SDK1: variants seen among roughly 807,000 people sequenced by gnomAD.
SDK1 encodes the protein sidekick cell adhesion molecule 1.
Under a neutral mutation model 245.5 loss-of-function variants are expected in SDK1, and 157 were observed. The ratio of observed to expected loss-of-function variants is 0.64; its 90% CI spans 0.56 to 0.73. The LOEUF is 0.73. SDK1 is among the 30% of genes least tolerant of loss of function. The pLI is 0.00. For synonymous variants in SDK1, 1,647 were observed against 1,278.5 expected (o/e 1.29, Z -6.15); for missense variants, 3,583 against 3,002.3 (o/e 1.19, Z -4.52).
chr7:3,575,568 T>C (rs887416192), intron 1 of SDK1, among the ~76,000 whole-genome samples: 10 of 152,002 alleles, frequency 6.6e-5, no homozygotes, highest in Non-Finnish European at 1.5e-4. Context: ...TAGTGCTTTT[T>C]GCTGGGTTTT....
chr7:3,325,551 G>A (rs1047418359), intron 1 of SDK1, among the ~76,000 whole-genome samples: 7 of 151,826 alleles, frequency 4.6e-5, no homozygotes, highest in African/African-American at 1.5e-4. Flanking sequence ...TAGTTCCCAG[G>A]GGCCAAAATG....
chr7:3,496,352 G>A (rs531537652), intron 1 of SDK1, among the ~76,000 whole-genome samples: 1 of 152,096 alleles, frequency 6.6e-6, no homozygotes, highest in South Asian at 2.1e-4. Flanking sequence ...GAGTCTCACT[G>A]TGTATTATTT....
At chr7:3,378,341 TC>T (rs1403302446) in intron 1 of SDK1, among the ~76,000 whole-genome samples, 2 of 152,336 alleles carry the variant, frequency 1.3e-5, no homozygotes, top group East Asian at 1.9e-4. Flanking sequence ...AAAACAAAAG[TC>T]CTTGTTAGTT....
At chr7:3,646,951 G>T (rs1782858345) in intron 4 of SDK1, among the ~76,000 whole-genome samples, 1 of 152,232 alleles carries the variant, frequency 6.6e-6, no homozygotes, top group South Asian at 2.1e-4. Flanking sequence ...GGACTTGGGG[G>T]AAGGAGGGAG....
intron 4 of SDK1, among the ~76,000 whole-genome samples, chr7:3,789,017 G>C (rs1465917885): frequency 1.3e-5 from 2 of 152,228 alleles, no homozygotes; most frequent in Non-Finnish European, 2.9e-5. Context: ...CGGCTGACAA[G>C]CTCCTTTCTG....
At chr7:3,927,422 CACA>C (rs1779810520) in intron 5 of SDK1, among the ~76,000 whole-genome samples, 1 of 152,106 alleles carries the variant, frequency 6.6e-6, no homozygotes. Flanking sequence ...ATTTTGTTCT[CACA>C]ACAACTCTGG....
intron 4 of SDK1, among the ~76,000 whole-genome samples, chr7:3,667,900 T>C (rs1052130789): frequency 2.6e-5 from 4 of 152,250 alleles, no homozygotes; most frequent in African/African-American, 4.8e-5. Context: ...ATAAAGATGC[T>C]AGAAACATTC....
chr7:3,726,393 G>A (rs546213551), intron 4 of SDK1, among the ~76,000 whole-genome samples: 1 of 152,318 alleles, frequency 6.6e-6, no homozygotes, highest in Admixed American at 6.5e-5. Flanking sequence ...TCACTCGACT[G>A]TAAGTATTTC....
chr7:3,418,077 G>A (rs1181758525), intron 1 of SDK1, among the ~76,000 whole-genome samples: 1 of 144,280 alleles, frequency 6.9e-6, no homozygotes. Flanking sequence ...AAAAATTCCT[G>A]ATCACTTGAG....
At chr7:3,584,005 T>G (rs142853253) in intron 1 of SDK1, among the ~76,000 whole-genome samples, 2 of 152,248 alleles carry the variant, frequency 1.3e-5, no homozygotes, top group East Asian at 3.9e-4. Flanking sequence ...GTCCACACCA[T>G]TCTGGGAGGG....
intron 1 of SDK1, among the ~76,000 whole-genome samples, chr7:3,604,396 T>A (rs1781351088): frequency 6.6e-6 from 1 of 152,108 alleles, no homozygotes; most frequent in Non-Finnish European, 1.5e-5. Flanking sequence ...TCACTTTCCT[T>A]CTTTTGAGGT....
At position 3,369,109 on chromosome 7, in the gene SDK1, A is replaced by G. The variant is rs550036737; in HGVS notation, c.298+67225A>G. ...GGCCAGGCTGGTGTGCAATGGTGTGATATTGGCTCACTGCAACCTCTGCCT... is the reference window on the plus strand; with the variant it reads ...GGCCAGGCTGGTGTGCAATGGTGTGGTATTGGCTCACTGCAACCTCTGCCT... On this transcript the variant is annotated intron_variant, in intron 1 of 44. Transcript: ENST00000404826. 1.3e-3 allele frequency among the ~76,000 whole-genome samples: 197 copies of G among 151,486 alleles called. 2 individuals carry two copies. The highest frequency in any genetic ancestry group is 4.6e-3 in the African/African-American group (188 of 41,218).
At chr7:4,190,688 C>T (rs951513198) in intron 35 of SDK1, among the ~76,000 whole-genome samples, 3 of 152,266 alleles carry the variant, frequency 2.0e-5, no homozygotes, top group African/African-American at 4.8e-5. Context: ...GAGCTTGGCC[C>T]ACCCCTTCCC....
chr7:3,506,410 G>A (rs926950569), intron 1 of SDK1, among the ~76,000 whole-genome samples: 3 of 151,950 alleles, frequency 2.0e-5, no homozygotes, highest in Non-Finnish European at 4.4e-5. Context: ...TTTATCACTA[G>A]TTATCAGGAA....
At position 4,074,861 on chromosome 7, in the gene SDK1, TCTC is replaced by T. The variant is rs1780528951; in HGVS notation, c.3011-2136_3011-2134del. On this transcript the variant is annotated intron_variant, in intron 20 of 44. Coordinates refer to ENST00000404826, the MANE Select transcript of SDK1 (RefSeq NM_152744.4). ...CTGGGCAACAGAGCAAGACTTTCTC[TCTC>T]TCTCTCTCTCTCTCTCTCTCTGTAT... is the stretch of plus-strand genomic sequence containing the variant. Among the ~76,000 whole-genome samples the T allele has an allele frequency of 4.4e-5, 4 of 89,928 alleles. 2 individuals carry two copies. The highest frequency in any genetic ancestry group is 4.1e-4 in the Admixed American group (4 of 9,668). The allele number at this position is 89,928 out of a possible 152,430, so 59.0% of individuals were successfully genotyped here. A position where few individuals can be genotyped will look rare whatever the true frequency, so the allele number is the denominator to read the frequency against.
Position 3,301,738 on chromosome 7 carries a change from C to A in SDK1, c.152C>A (p.Pro51His). 1 of 979,536 alleles carries A rather than the reference C, an allele frequency of 1.0e-6. No homozygotes were observed. The highest frequency in any genetic ancestry group is 1.2e-4 in the East Asian group (1 of 8,598). The allele number at this position is 979,536 out of a possible 1,614,324, so 60.7% of individuals were successfully genotyped here. ...APRPGPEPSR[P>H]RAAPETSGGD... ...CGCCCCGGCCCGGAGCCCTCGCGAC[C>A]CCGGGCGGCGCCCGAGACCTCCGGC... Residue 51 changes from proline (P) to histidine (H), a missense_variant, in exon 1 of 45, where the codon CCC becomes CAC. Coordinates refer to ENST00000404826, the MANE Select transcript of SDK1 (RefSeq NM_152744.4).
chr7:3,588,668 C>A (rs1209611526), intron 1 of SDK1, among the ~76,000 whole-genome samples: 1 of 152,186 alleles, frequency 6.6e-6, no homozygotes, highest in Non-Finnish European at 1.5e-5. Flanking sequence ...GGGCACCTCA[C>A]TGATGGAATT....
chr7:4,236,119 A>G (rs1786149001), intron 41 of SDK1, among the ~76,000 whole-genome samples: 1 of 152,250 alleles, frequency 6.6e-6, no homozygotes, highest in African/African-American at 2.4e-5. Context: ...GTGTGCACAC[A>G]TCCCCTATTC....
At chr7:4,072,761 C>T (rs1584024885) in intron 20 of SDK1, among the ~76,000 whole-genome samples, 1 of 152,212 alleles carries the variant, frequency 6.6e-6, no homozygotes, top group Non-Finnish European at 1.5e-5. Flanking sequence ...CGGCTTGGGC[C>T]TGGGCTCAGC....
Sources: allele counts gnomAD v4.1 joint callset (sites outside exome capture counted in the v4.1 genomes callset), GRCh38; gene constraint gnomAD v4.1.1; transcripts MANE v1.5; gene names NCBI Gene and HGNC (gene_info 2026-07-23, HGNC 2026-07-21).